Variants in CCDC3 observed in about 807,000 individuals in gnomAD.
The protein encoded by CCDC3 is coiled-coil domain containing 3, also known as coiled-coil domain-containing protein 3.
In CCDC3, 24 loss-of-function variants were observed where a neutral mutation model predicts 21.4. The observed-to-expected ratio is 1.12, with a 90% CI of 0.81 to 1.58. CCDC3 has a LOEUF of 1.58. CCDC3 is among the 40% of genes most tolerant of loss of function. The pLI is 0.00. For synonymous variants in CCDC3, 186 were observed against 166.0 expected (o/e 1.12, Z -0.93); for missense variants, 425 against 360.9 (o/e 1.18, Z -1.44).
chr10:13,048,204 T>G (rs1836553262), intron 5 of CCDC3, among the ~76,000 whole-genome samples: 1 of 147,162 alleles, frequency 6.8e-6, no homozygotes, highest in Non-Finnish European at 1.5e-5. Flanking sequence ...TCCCAATTAT[T>G]TTTTTTTAGA....
intron 5 of CCDC3, among the ~76,000 whole-genome samples, chr10:13,027,212 C>T (rs759562471): frequency 2.4e-4 from 37 of 151,342 alleles, no homozygotes; most frequent in Non-Finnish European, 4.1e-4. Context: ...TGTGTAGGTC[C>T]GTAGGGGAAT....
chr10:12,905,800 A>G (rs1382896615), intron 2 of CCDC3, among the ~76,000 whole-genome samples: 1 of 152,190 alleles, frequency 6.6e-6, no homozygotes. Context: ...CTGCTTGGGA[A>G]CATCAACTGT....
At chr10:12,901,449 A>AT (rs1834090365) in intron 2 of CCDC3, among the ~76,000 whole-genome samples, 1 of 151,570 alleles carries the variant, frequency 6.6e-6, no homozygotes, top group Non-Finnish European at 1.5e-5. Flanking sequence ...ATTTTTTGGT[A>AT]TTTTTTGTAG....
chr10:12,975,977 G>A (rs1835411865), intron 2 of CCDC3, among the ~76,000 whole-genome samples: 1 of 152,208 alleles, frequency 6.6e-6, no homozygotes, highest in Non-Finnish European at 1.5e-5. Context: ...GGCAGGAGAT[G>A]CAAATCCCTG....
intron 2 of CCDC3, among the ~76,000 whole-genome samples, chr10:12,994,633 T>A (rs939966052): frequency 6.6e-6 from 1 of 152,094 alleles, no homozygotes; most frequent in Non-Finnish European, 1.5e-5. Flanking sequence ...AAAAGAGTGA[T>A]CATAACAGCA....
At chr10:12,975,225 T>G (rs906052248) in intron 2 of CCDC3, among the ~76,000 whole-genome samples, 2 of 152,154 alleles carry the variant, frequency 1.3e-5, no homozygotes, top group East Asian at 1.9e-4. Context: ...ATGTCTTCTG[T>G]GTAGGGTCTT....
chr10:12,908,996 G>GA (rs1485198924), intron 2 of CCDC3, among the ~76,000 whole-genome samples: 1 of 152,158 alleles, frequency 6.6e-6, no homozygotes, highest in Admixed American at 6.5e-5. Flanking sequence ...CAGGATCCCA[G>GA]AAAATCCACA....
intron 4 of CCDC3, chr10:13,057,886 A>C (rs1365210411): frequency 2.1e-6 from 1 of 472,966 alleles, no homozygotes; most frequent in African/African-American, 2.0e-5. Flanking sequence ...GTCTCAAAAA[A>C]AAGTTAAAAC....
intron 2 of CCDC3, among the ~76,000 whole-genome samples, chr10:12,970,529 T>A (rs75306710): frequency 0.024 from 3,694 of 152,260 alleles, 102 homozygotes; most frequent in African/African-American, 0.067. Flanking sequence ...TACATATATT[T>A]AAAATCATAC....
At chr10:12,984,490 A>G (rs1398598582) in intron 2 of CCDC3, among the ~76,000 whole-genome samples, 1 of 152,240 alleles carries the variant, frequency 6.6e-6, no homozygotes, top group Non-Finnish European at 1.5e-5. Context: ...TTTGGAAAAC[A>G]GTCTGGCTGC....
At chr10:13,043,667 G>C (rs1422645355) in intron 5 of CCDC3, among the ~76,000 whole-genome samples, 2 of 152,148 alleles carry the variant, frequency 1.3e-5, no homozygotes, top group Non-Finnish European at 2.9e-5. Context: ...CACCCACGTT[G>C]CTGCAAAGGA....
At chr10:12,977,843 T>C (rs1835438833) in intron 2 of CCDC3, among the ~76,000 whole-genome samples, 2 of 152,184 alleles carry the variant, frequency 1.3e-5, no homozygotes, top group Non-Finnish European at 1.5e-5. Context: ...CAGTTTCAGA[T>C]AAATACTCAT....
chr10:12,930,887 G>A (rs1024987964), intron 2 of CCDC3, among the ~76,000 whole-genome samples: 2 of 152,120 alleles, frequency 1.3e-5, no homozygotes, highest in Non-Finnish European at 2.9e-5. Flanking sequence ...CCAGGCTCTG[G>A]TCCAAACTTC....
At chr10:13,042,769 T>C (rs1386240049) in intron 5 of CCDC3, among the ~76,000 whole-genome samples, 8 of 150,748 alleles carry the variant, frequency 5.3e-5, no homozygotes, top group South Asian at 2.1e-4. Context: ...ATTAGCCGGG[T>C]GTGGTGGCGG....
intron 3 of CCDC3, among the ~76,000 whole-genome samples, chr10:13,082,444 G>C (rs566060980): frequency 1.3e-5 from 2 of 152,378 alleles, no homozygotes; most frequent in Admixed American, 6.5e-5. Flanking sequence ...GAACATGAAA[G>C]TGGACCAGGA....
At chr10:13,055,321 G>A (rs1836667242) in intron 4 of CCDC3, among the ~76,000 whole-genome samples, 1 of 151,222 alleles carries the variant, frequency 6.6e-6, no homozygotes, top group African/African-American at 2.5e-5. Flanking sequence ...AGGGTGTGGG[G>A]AACAGAATCC....
At chr10:13,063,119 T>G (rs1293754302) in intron 4 of CCDC3, among the ~76,000 whole-genome samples, 1 of 152,096 alleles carries the variant, frequency 6.6e-6, no homozygotes, top group Non-Finnish European at 1.5e-5. Context: ...ACCAAGTTAT[T>G]TTTAAAAACT....
chr10:12,934,092 G>A (rs140688353), intron 2 of CCDC3, among the ~76,000 whole-genome samples: 1 of 152,126 alleles, frequency 6.6e-6, no homozygotes, highest in African/African-American at 2.4e-5. Context: ...AAAATTTTCT[G>A]TTAAGCTTTA....
chr10:12,924,440 A>G (rs1166685983), intron 2 of CCDC3, among the ~76,000 whole-genome samples: 1 of 152,220 alleles, frequency 6.6e-6, no homozygotes, highest in Non-Finnish European at 1.5e-5. Flanking sequence ...TGCCAAAACA[A>G]TTTATAACTG....
Sources: gnomAD v4.1 joint callset for allele counts (sites outside exome capture counted in the v4.1 genomes callset) on GRCh38, gnomAD v4.1.1 for gene constraint, MANE v1.5 for transcripts, NCBI Gene and HGNC (gene_info 2026-07-23, HGNC 2026-07-21) for gene names.